Variants in SPAG17 observed in about 807,000 individuals in gnomAD.
SPAG17 encodes the protein sperm-associated antigen 17.
In SPAG17, 169 loss-of-function variants were observed where a neutral mutation model predicts 273.6. The ratio of observed to expected loss-of-function variants is 0.62; its 90% confidence interval spans 0.55 to 0.70. The LOEUF (loss-of-function observed/expected upper bound fraction) is 0.70. Ranked by LOEUF, SPAG17 falls within the 30% of genes least tolerant of loss-of-function variation. The pLI, the probability that SPAG17 is intolerant of heterozygous loss-of-function variation, is 0.00. For synonymous variants in SPAG17, 825 were observed against 873.2 expected, an observed-to-expected ratio of 0.94 and a Z score of 0.97; for missense variants, 2,557 against 2,627.8, an observed-to-expected ratio of 0.97 and a Z score of 0.59.
chr1:117,996,310 T>C (rs548660924), intron 34 of SPAG17, 60 bp downstream of exon 34: 1 of 1,535,776 alleles, frequency 6.5e-7, no homozygotes, highest in African/African-American at 1.4e-5. Context: ...GACTGGATAG[T>C]AAGGAGGATG....
intron 48 of SPAG17, chr1:117,960,023 ATAC>A (rs1229725728): frequency 2.0e-5 from 3 of 152,262 alleles, no homozygotes; most frequent in African/African-American, 7.2e-5. Context: ...CTAACTGTTT[ATAC>A]TTTTCTGAAT....
At chr1:118,180,844 T>C (rs1182832422) in intron 1 of SPAG17, among the ~76,000 whole-genome samples, 4 of 152,120 alleles carry the variant, frequency 2.6e-5, no homozygotes, top group East Asian at 1.9e-4. Context: ...GGTAAAAAAA[T>C]GCATGGACAA....
intron 17 of SPAG17, among the ~76,000 whole-genome samples, chr1:118,070,937 C>T (rs1379098196): frequency 6.6e-6 from 1 of 152,162 alleles, no homozygotes; most frequent in African/African-American, 2.4e-5. Context: ...TAATAAATGT[C>T]AGAAGCTTAA....
chr1:118,060,853 A>G (rs997674765), intron 18 of SPAG17, among the ~76,000 whole-genome samples: 1 of 152,076 alleles, frequency 6.6e-6, no homozygotes, highest in African/African-American at 2.4e-5. Flanking sequence ...TGAATTCGTC[A>G]TGTTCCTTGA....
chr1:117,959,408 G>A (rs1273509228), intron 48 of SPAG17: 4 of 1,612,152 alleles, frequency 2.5e-6, no homozygotes, highest in Non-Finnish European at 2.5e-6. Context: ...AGAAGAGGAA[G>A]AGGAAAAAGA....
At chr1:118,082,693 A>G (rs1427587683) in intron 13 of SPAG17, among the ~76,000 whole-genome samples, 1 of 152,234 alleles carries the variant, frequency 6.6e-6, no homozygotes, top group Non-Finnish European at 1.5e-5. Context: ...CAAAAAGAAT[A>G]AAGCCAGCTG....
At chr1:118,076,132 G>C (rs962118429) in intron 15 of SPAG17, among the ~76,000 whole-genome samples, 3 of 151,890 alleles carry the variant, frequency 2.0e-5, no homozygotes, top group Admixed American at 6.6e-5. Flanking sequence ...TATATTAAAC[G>C]TGGAAATTAA....
chr1:118,093,855 C>T (rs1200316372), intron 7 of SPAG17, among the ~76,000 whole-genome samples: 2 of 152,186 alleles, frequency 1.3e-5, no homozygotes, highest in East Asian at 3.8e-4. Flanking sequence ...CCTGTTCTAC[C>T]TCTACAGCAA....
chr1:118,071,977 A>G (rs919880130), intron 17 of SPAG17, among the ~76,000 whole-genome samples: 7 of 152,218 alleles, frequency 4.6e-5, no homozygotes, highest in Non-Finnish European at 1.5e-5. Flanking sequence ...GCTTGCCAGA[A>G]CAATACATAG....
chr1:118,116,993 G>A (rs1296326526), intron 3 of SPAG17, among the ~76,000 whole-genome samples: 1 of 152,194 alleles, frequency 6.6e-6, no homozygotes. Flanking sequence ...CGTGGAAGGG[G>A]ATCCTAAGGG....
chr1:118,086,555 G>C, intron 12 of SPAG17, 116 bp downstream of exon 12: 1 of 877,706 alleles, frequency 1.1e-6, no homozygotes, highest in South Asian at 1.6e-5. Flanking sequence ...TATCTATTTT[G>C]TACATTACAT....
At chr1:118,091,513 T>G in intron 10 of SPAG17, 93 bp downstream of exon 10, 3 of 680,636 alleles carry the variant, frequency 4.4e-6, no homozygotes, top group Non-Finnish European at 7.8e-6. Context: ...TTAGGTATTA[T>G]GAGTATAATT....
chr1:118,139,921 G>A (rs1004896765), intron 3 of SPAG17, among the ~76,000 whole-genome samples: 3 of 152,124 alleles, frequency 2.0e-5, no homozygotes, highest in Non-Finnish European at 4.4e-5. Flanking sequence ...ATAGGGCTTT[G>A]CATTCATGGA....
rs1651356488 is a variant in SPAG17, at chr1:118,053,929, A to G, written c.2814+73T>C. 7.9e-6 allele frequency: 9 copies of G among 1,142,840 alleles called. No individual in the cohort carries two copies. In the South Asian group the frequency reaches 1.3e-4, roughly 16 times the overall value. 70.8% of individuals were successfully genotyped at this position (1,142,840 alleles called of 1,614,324 possible). ...AATCACTATCCACTCCCACTGCCCC[A>G]AAGTCAACCACTATCCTGTTGTGTA... On this transcript the variant is annotated intron_variant, in intron 20 of 48. Coordinates refer to ENST00000336338, the MANE Select transcript of SPAG17 (RefSeq NM_206996.4).
At chr1:117,999,200 G>A (rs754884389) in intron 32 of SPAG17, among the ~76,000 whole-genome samples, 1 of 152,116 alleles carries the variant, frequency 6.6e-6, no homozygotes, top group Non-Finnish European at 1.5e-5. Context: ...TGGTGTATAT[G>A]TGCCACATTT....
intron 48 of SPAG17, chr1:117,963,191 C>G (rs2101393482): frequency 6.6e-6 from 1 of 152,256 alleles, no homozygotes; most frequent in Middle Eastern, 3.4e-3. Flanking sequence ...ATCCCTTCCC[C>G]TTGAGTATGG....
chr1:117,996,177 T>C lies in SPAG17; in HGVS notation c.5053+193A>G, dbSNP rs201286324. On this transcript the variant is annotated intron_variant, in intron 34 of 48. Transcript: ENST00000336338. The stretch of plus-strand genomic sequence containing the variant: ...GCTCAGATGTATCTTGATATACACA[T>C]AAATTCAAGTAGCTATATAAATAAG... Among the ~76,000 whole-genome samples the C allele has an allele frequency of 6.6e-5, 10 of 152,140 alleles. No individual in the cohort carries two copies. The East Asian group carries it at 1.7e-3, about 26-fold the overall frequency.
At chr1:118,109,552 C>T (rs1656632309) in intron 4 of SPAG17, among the ~76,000 whole-genome samples, 1 of 64,310 alleles carries the variant, frequency 1.6e-5, no homozygotes, top group South Asian at 9.4e-4. Context: ...GAAACTCTGT[C>T]TCAAAATAAT....
At chr1:117,996,896 G>A (rs367891105) in intron 32 of SPAG17, among the ~76,000 whole-genome samples, 153 bp from the exon 33 acceptor site, 9 of 152,112 alleles carry the variant, frequency 5.9e-5, no homozygotes, top group African/African-American at 9.7e-5. Context: ...AGTAGAGACT[G>A]CATTAATAAA....
Sources: allele counts gnomAD v4.1 joint callset (sites outside exome capture counted in the v4.1 genomes callset), GRCh38; gene constraint gnomAD v4.1.1; transcripts MANE v1.5; gene names NCBI Gene and HGNC (gene_info 2026-07-23, HGNC 2026-07-21).